SPTBN2: variants seen among roughly 807,000 people sequenced by gnomAD.
SPTBN2 encodes spectrin beta, non-erythrocytic 2, also known as spectrin beta chain, non-erythrocytic 2.
A neutral mutation model predicts 284.2 loss-of-function variants in SPTBN2; 107 were observed. The observed-to-expected ratio is 0.38, with a 90% CI of 0.32 to 0.44. SPTBN2 has a LOEUF of 0.44. Ranked by LOEUF, SPTBN2 falls within the 20% of genes least tolerant of loss-of-function variation. The probability of loss-of-function intolerance (pLI) is 1.00; values close to 1 mark genes in which losing one functional copy is unlikely to be tolerated. For missense variants in SPTBN2, 2,569 were observed against 3,287.1 expected (o/e 0.78, Z 5.34); for synonymous variants, 1,289 against 1,354.8 (o/e 0.95, Z 1.07).
chr11:66,714,135 G>A lies in SPTBN2; in HGVS notation c.612C>T (p.Ser204=), dbSNP rs144845452. Residue 204 remains serine, a synonymous_variant, in exon 7 of 38, where the codon AGC becomes AGT. Coordinates refer to ENST00000533211, the MANE Select transcript of SPTBN2 (RefSeq NM_006946.4). ...PNVNVHNFTT[S]WRDGLAFNAI... ...CGTTGAAAGCTAGTCCATCTCTCCA[G>A]CTGGTGGTGAAGTTGTGTACATTGA... The A allele has an allele frequency of 1.5e-5, 24 of 1,614,130 alleles. No individual in the cohort carries two copies. Among genetic ancestry groups the A allele is most frequent in the Non-Finnish European group, 1.9e-5 (23 of 1,180,056 alleles).
At chr11:66,699,151 A>AG in intron 18 of SPTBN2, 69 bp from the exon 19 acceptor site, 1 of 1,578,878 alleles carries the variant, frequency 6.3e-7, no homozygotes, top group Non-Finnish European at 8.7e-7. Flanking sequence ...TGGCTAACCT[A>AG]GGGGCCTCCA....
rs779776319 is a variant in SPTBN2, at chr11:66,701,289, G to A, written c.2817-7C>T. 6 of 1,611,376 alleles carry A rather than the reference G, an allele frequency of 3.7e-6. No homozygotes were observed. The highest frequency in any genetic ancestry group is 1.7e-4 in the Middle Eastern group (1 of 6,028). On this transcript the variant is annotated splice_region_variant and splice_polypyrimidine_tract_variant and intron_variant, in intron 16 of 37. Coordinates refer to ENST00000533211, the MANE Select transcript of SPTBN2 (RefSeq NM_006946.4). ...ACGCCGAAACTGCTGCCACCTGAGAGCAGGGGGAAGGTTCAGCTTCCTGCC... is the reference window on the plus strand; with the variant it reads ...ACGCCGAAACTGCTGCCACCTGAGAACAGGGGGAAGGTTCAGCTTCCTGCC...
chr11:66,743,205 G>A (rs1360491323), intron 1 of SPTBN2, among the ~76,000 whole-genome samples: 1 of 152,170 alleles, frequency 6.6e-6, no homozygotes, highest in African/African-American at 2.4e-5. Context: ...TATCAAGTTT[G>A]ATGGTTACGA....
rs1209655514 is a variant in SPTBN2, at chr11:66,691,615, G to C, written c.5234C>G (p.Thr1745Ser). The C allele has an allele frequency of 3.7e-6, 6 of 1,613,874 alleles. No individual in the cohort carries two copies. The South Asian group carries it at 5.5e-5, about 15-fold the overall frequency. The change falls in exon 27 of 38, where the codon ACC becomes AGC. Residue 1745 changes from threonine (T) to serine (S), a missense_variant. Physicochemically the swap from Thr to Ser is moderately conservative, Grantham distance 58. Around this residue, in one of 6 missense-constraint regions of SPTBN2, gnomAD observed 1,130 missense variants for 1,317.3 expected, o/e 0.86. Transcript: ENST00000533211. The surrounding 1 kb of genome is among the most constrained non-coding windows in gnomAD (Gnocchi z 8.0). ...GCTATCTACGCGCTCCTGACCGATG[G>C]TGCTTGTGTCCCGGGAGAACTCTCG... ...KFREFSRDTS[T>S]IGQERVDSAN...
Position 66,715,054 on chromosome 11 carries a change from AG to A in SPTBN2, c.483+167del, listed in dbSNP as rs1164778803. On this transcript the variant is annotated intron_variant, in intron 5 of 37. Transcript: ENST00000533211. This position sits in a 1 kb window ranked among gnomAD's most constrained non-coding sequence, Gnocchi z 5.3. The stretch of plus-strand genomic sequence containing the variant: ...CCAAGCTGGTTTCTACCCTGCTGAA[AG>A]AGGGGAGTCCACTGATCTGGTGCTT... Among the ~76,000 whole-genome samples the A allele has an allele frequency of 6.6e-6, 1 of 152,222 alleles. No individual in the cohort carries two copies. Among genetic ancestry groups the A allele is most frequent in the African/African-American group, 2.4e-5 (1 of 41,462 alleles).
rs747442469 is a variant in SPTBN2 at position 66,693,779 on chromosome 11, T to C, written c.4586A>G (p.Lys1529Arg). The C allele has an allele frequency of 6.2e-7, 1 of 1,613,064 alleles. No individual in the cohort carries two copies. The highest frequency in any genetic ancestry group is 8.5e-7 in the Non-Finnish European group (1 of 1,179,626). The change falls in exon 23 of 38, where the codon AAA becomes AGA. Residue 1529 changes from lysine to arginine, a missense_variant. Physicochemically the swap from Lys to Arg is conservative, Grantham distance 26 (BLOSUM62 2). This residue lies in a region of SPTBN2 where 1,130 missense variants were observed against 1,317.3 expected (regional missense o/e 0.86). Transcript: ENST00000533211. The surrounding 1 kb of genome is among the most constrained non-coding windows in gnomAD (Gnocchi z 5.7). The stretch of plus-strand genomic sequence containing the variant: ...CTTCAGCCTCTGCCTCACCTGGTTT[T>C]TCTTCATGAGAAGCTGGACGCTGGG... ...DLPSVQLLMK[K>R]NQTLQKEIQG...
chr11:66,687,786 A>C lies in SPTBN2; in HGVS notation c.6501+82T>G. 1.3e-6 allele frequency: 2 copies of C among 1,547,542 alleles called. No homozygotes were observed. The highest frequency in any genetic ancestry group is 1.8e-6 in the Non-Finnish European group (2 of 1,120,504). On this transcript the variant is annotated intron_variant, in intron 34 of 37. Coordinates refer to ENST00000533211, the MANE Select transcript of SPTBN2 (RefSeq NM_006946.4). The surrounding 1 kb of genome is among the most constrained non-coding windows in gnomAD (Gnocchi z 5.2). ...CTCTGCCCTCTCCCATCCCATCCCCAGTACTCCCCCACCCGCACTCACCAC... is the reference window on the plus strand; with the variant it reads ...CTCTGCCCTCTCCCATCCCATCCCCCGTACTCCCCCACCCGCACTCACCAC...
rs1940065297 is a variant in SPTBN2, at chr11:66,685,792, CA to C, written c.*78del. 7.1e-7 allele frequency: 1 copy of C among 1,402,992 alleles called. No individual in the cohort carries two copies. The highest frequency in any genetic ancestry group is 1.4e-5 in the African/African-American group (1 of 70,962). The allele number at this position is 1,402,992 out of a possible 1,614,324, so 86.9% of individuals were successfully genotyped here. A position where few individuals can be genotyped will look rare whatever the true frequency, so the allele number is the denominator to read the frequency against. ...CCCTAGCAGCAGGCAGTTGTCCTGA[CA>C]AGAGGGCGGTCCCTGTCGACTGTCC... On this transcript the variant is annotated 3_prime_UTR_variant, in exon 38 of 38. Transcript: ENST00000533211. This position sits in a 1 kb window ranked among gnomAD's most constrained non-coding sequence, Gnocchi z 4.4.
intron 3 of SPTBN2, among the ~76,000 whole-genome samples, chr11:66,720,762 G>A (rs1942362368): frequency 6.6e-6 from 1 of 152,194 alleles, no homozygotes; most frequent in Admixed American, 6.5e-5. Context: ...GCGGAGAAAG[G>A]AGTGGCAAGA....
At chr11:66,709,468 G>A (rs559087603) in intron 10 of SPTBN2, among the ~76,000 whole-genome samples, 126 of 152,338 alleles carry the variant, frequency 8.3e-4, no homozygotes, top group Admixed American at 1.5e-3. Flanking sequence ...ATGAGCCACG[G>A]TGCCCAGCCA....
Position 66,707,874 on chromosome 11 carries a change from G to C in SPTBN2, c.1351-56C>G, listed in dbSNP as rs530491895. 1.4e-5 allele frequency: 22 copies of C among 1,589,510 alleles called. No homozygotes were observed. Among genetic ancestry groups the C allele is most frequent in the Non-Finnish European group, 1.7e-5 (20 of 1,172,186 alleles). On this transcript the variant is annotated intron_variant, in intron 12 of 37. Transcript: ENST00000533211. This position sits in a 1 kb window ranked among gnomAD's most constrained non-coding sequence, Gnocchi z 4.9. ...GGACCAAGGGACAGTGCCTCTGCCT[G>C]CTCCTCTGTCCTGCAGGGCACTTGG... is the stretch of plus-strand genomic sequence containing the variant.
chr11:66,738,043 C>G (rs1273706043), intron 1 of SPTBN2, among the ~76,000 whole-genome samples: 3 of 152,100 alleles, frequency 2.0e-5, no homozygotes, highest in Non-Finnish European at 2.9e-5. Context: ...GGTGAAACCC[C>G]ATCTCTATGA....
At position 66,691,298 on chromosome 11, in the gene SPTBN2, C is replaced by A; in HGVS notation, c.5551G>T (p.Ala1851Ser). The stretch of plus-strand genomic sequence containing the variant: ...TTGGGTCAGACCTGGGGGCTGAGGG[C>A]CTGAATGTCATGCTCGTAGGCACAG... Reference protein sequence around the residue: ...RHCAYEHDIQALSPQVQQVQD... With the variant: ...RHCAYEHDIQSLSPQVQQVQD... Residue 1851 changes from alanine to serine, a missense_variant, in exon 27 of 38, where the codon GCC becomes TCC. Ala to Ser is a moderately conservative substitution (Grantham distance 99). Coordinates refer to ENST00000533211, the MANE Select transcript of SPTBN2 (RefSeq NM_006946.4). The surrounding 1 kb of genome is among the most constrained non-coding windows in gnomAD (Gnocchi z 8.0). 1 of 1,535,106 alleles carries A rather than the reference C, an allele frequency of 6.5e-7. No individual in the cohort carries two copies. Among genetic ancestry groups the A allele is most frequent in the Non-Finnish European group, 8.8e-7 (1 of 1,137,434 alleles).
chr11:66,685,892 G>A lies in SPTBN2; in HGVS notation c.7152C>T (p.Ser2384=). ...GREREREKRF[S]FFKKNK ...CCAACTACTTGTTCTTCTTAAAGAA[G>A]CTGAAGCGTTTTTCTCGCTCTCGTT... The change falls in exon 38 of 38, where the codon AGC becomes AGT. Residue 2384 remains serine, a synonymous_variant. Coordinates refer to ENST00000533211, the MANE Select transcript of SPTBN2 (RefSeq NM_006946.4). This position sits in a 1 kb window ranked among gnomAD's most constrained non-coding sequence, Gnocchi z 4.4. The A allele has an allele frequency of 6.2e-7, 1 of 1,613,920 alleles. No homozygotes were observed. The highest frequency in any genetic ancestry group is 1.1e-5 in the South Asian group (1 of 91,086).
upstream of SPTBN2, among the ~76,000 whole-genome samples, chr11:66,730,464 C>T (rs1942790122): frequency 6.6e-6 from 1 of 151,886 alleles, no homozygotes; most frequent in East Asian, 1.9e-4. Context: ...CATGAAATCC[C>T]AGCTACTCAG....
At position 66,691,743 on chromosome 11, in the gene SPTBN2, A is replaced by T. The variant is rs1237745562; in HGVS notation, c.5191-85T>A. 9 of 1,592,232 alleles carry T rather than the reference A, an allele frequency of 5.7e-6. No homozygotes were observed. Among genetic ancestry groups the T allele is most frequent in the Non-Finnish European group, 7.7e-6 (9 of 1,170,800 alleles). The stretch of plus-strand genomic sequence containing the variant: ...TGATGGAGCGAGTCCTCCACTCCAA[A>T]CTCAGAACCCACCTCTCCCCGCTGC... On this transcript the variant is annotated intron_variant, in intron 26 of 37. Coordinates refer to ENST00000533211, the MANE Select transcript of SPTBN2 (RefSeq NM_006946.4). This position sits in a 1 kb window ranked among gnomAD's most constrained non-coding sequence, Gnocchi z 8.0.
rs202088015 is a variant in SPTBN2 at position 66,715,800 on chromosome 11, C to T, written c.309+30G>A. 2.8e-4 allele frequency: 457 copies of T among 1,612,754 alleles called. 1 individual carries two copies. Among genetic ancestry groups the T allele is most frequent in the Non-Finnish European group, 3.3e-5 (39 of 1,179,620 alleles). The stretch of plus-strand genomic sequence containing the variant: ...TCCCCTTGGACACTTTTCTAAGGCC[C>T]CCCCACTTCCCTTCATGACCACAGC... On this transcript the variant is annotated intron_variant, in intron 4 of 37. Coordinates refer to ENST00000533211, the MANE Select transcript of SPTBN2 (RefSeq NM_006946.4). The surrounding 1 kb of genome is among the most constrained non-coding windows in gnomAD (Gnocchi z 5.3).
At chr11:66,734,410 T>C (rs925112920) in intron 1 of SPTBN2, among the ~76,000 whole-genome samples, 2 of 152,142 alleles carry the variant, frequency 1.3e-5, no homozygotes, top group Non-Finnish European at 2.9e-5. Context: ...TGCTTACCTC[T>C]CCAGCCTGGT....
In SPTBN2 at chr11:66,715,971, T is replaced by C. The variant is rs145112518; in HGVS notation, c.168A>G (p.Glu56=). The C allele has an allele frequency of 3.2e-5, 52 of 1,613,978 alleles. No homozygotes were observed. In the African/African-American group the frequency reaches 6.5e-4, roughly 20 times the overall value. The change falls in exon 4 of 38, where the codon GAA becomes GAG. Residue 56 remains glutamate (E), a synonymous_variant. Coordinates refer to ENST00000533211, the MANE Select transcript of SPTBN2 (RefSeq NM_006946.4). This position sits in a 1 kb window ranked among gnomAD's most constrained non-coding sequence, Gnocchi z 5.3. The part of the protein sequence containing the change: ...SRIKALADER[E]AVQKKTFTKW... Reference sequence around the variant, plus strand: ...TGGTGAAGGTTTTCTTCTGCACAGCTTCTCGTTCATCTGTGGTGGCAACAT... The same window carrying C: ...TGGTGAAGGTTTTCTTCTGCACAGCCTCTCGTTCATCTGTGGTGGCAACAT...
Sources: allele counts gnomAD v4.1 joint callset (sites outside exome capture counted in the v4.1 genomes callset), GRCh38; gene constraint gnomAD v4.1.1; regional missense constraint gnomAD v4.1.1; non-coding constraint Gnocchi (gnomAD v3.1); transcripts MANE v1.5; gene names NCBI Gene and HGNC (gene_info 2026-07-23, HGNC 2026-07-21).